ASCC3: variants seen among roughly 807,000 people sequenced by gnomAD.
The protein encoded by ASCC3 is activating signal cointegrator 1 complex subunit 3.
ASCC3 carries 158 observed loss-of-function variants against 256.3 expected under a neutral mutation model. The ratio of observed to expected loss-of-function variants is 0.62; its 90% CI spans 0.54 to 0.70. The LOEUF (loss-of-function observed/expected upper bound fraction) is 0.70. Ranked by LOEUF, ASCC3 falls within the 30% of genes least tolerant of loss-of-function variation. ASCC3 has a pLI of 0.00. For synonymous variants in ASCC3, 948 were observed against 883.4 expected, an observed-to-expected ratio of 1.07 and a Z score of -1.30; for missense variants, 2,259 against 2,626.0, an observed-to-expected ratio of 0.86 and a Z score of 3.05.
intron 10 of ASCC3, among the ~76,000 whole-genome samples, chr6:100,765,751 T>G (rs893868673): frequency 6.6e-6 from 1 of 152,230 alleles, no homozygotes; most frequent in South Asian, 2.1e-4. Context: ...TTGAGACCTG[T>G]CTCAGATACT....
intron 4 of ASCC3, among the ~76,000 whole-genome samples, chr6:100,824,517 CT>C (rs148363301): frequency 0.015 from 2,221 of 152,248 alleles, 31 homozygotes; most frequent in South Asian, 0.022. Context: ...GCTTCTCAGC[CT>C]TTTGGCTAAG....
chr6:100,841,161 G>GA (rs1335037439), intron 4 of ASCC3, among the ~76,000 whole-genome samples: 1 of 152,020 alleles, frequency 6.6e-6, no homozygotes, highest in African/African-American at 2.4e-5. Context: ...GCTTAAAACA[G>GA]AAAAGAGCGG....
intron 38 of ASCC3, among the ~76,000 whole-genome samples, chr6:100,516,746 A>T (rs1244997404): frequency 6.6e-6 from 1 of 152,168 alleles, no homozygotes; most frequent in Non-Finnish European, 1.5e-5. Flanking sequence ...TTAAAAGTTC[A>T]TTTTGAGAAT....
intron 10 of ASCC3, among the ~76,000 whole-genome samples, chr6:100,761,343 C>T (rs192163551): frequency 2.4e-4 from 36 of 152,122 alleles, no homozygotes; most frequent in Non-Finnish European, 2.8e-4. Flanking sequence ...TAACGATTAC[C>T]GGGATGTGGT....
chr6:100,814,003 T>A (rs1375245900), intron 4 of ASCC3, among the ~76,000 whole-genome samples: 1 of 152,180 alleles, frequency 6.6e-6, no homozygotes, highest in African/African-American at 2.4e-5. Context: ...AGAGAGGACA[T>A]CCTTGTCTTG....
intron 1 of ASCC3, among the ~76,000 whole-genome samples, chr6:100,879,730 T>C (rs1281253274): frequency 1.3e-5 from 2 of 152,154 alleles, no homozygotes; most frequent in African/African-American, 4.8e-5. Context: ...AAACAAGCTT[T>C]GAAAAAGAAA....
intron 13 of ASCC3, among the ~76,000 whole-genome samples, chr6:100,702,989 A>G (rs1197518657): frequency 6.6e-6 from 1 of 152,114 alleles, no homozygotes; most frequent in East Asian, 1.9e-4. Context: ...GGCATGACCA[A>G]TGATCATGTG....
chr6:100,647,918 T>A (rs183840227), intron 20 of ASCC3, among the ~76,000 whole-genome samples: 1 of 152,266 alleles, frequency 6.6e-6, no homozygotes, highest in Admixed American at 6.5e-5. Context: ...TACTGATTAG[T>A]GTAGCTACTC....
At chr6:100,673,720 T>G (rs1176615989) in intron 14 of ASCC3, among the ~76,000 whole-genome samples, 1 of 152,210 alleles carries the variant, frequency 6.6e-6, no homozygotes, top group Non-Finnish European at 1.5e-5. Context: ...ATCCTACTTT[T>G]CAGTACGTGA....
intron 10 of ASCC3, among the ~76,000 whole-genome samples, chr6:100,760,719 T>C (rs1257041448): frequency 2.0e-5 from 3 of 152,148 alleles, no homozygotes; most frequent in East Asian, 3.9e-4. Flanking sequence ...AACCACAGAA[T>C]GTAGACAGCA....
intron 34 of ASCC3, among the ~76,000 whole-genome samples, chr6:100,598,482 C>G (rs1368016516): frequency 1.8e-5 from 2 of 108,842 alleles, no homozygotes; most frequent in Non-Finnish European, 4.0e-5. Flanking sequence ...ATTAATAAAC[C>G]TCTTAAGATT....
At chr6:100,582,788 T>C (rs1426573090) in intron 36 of ASCC3, among the ~76,000 whole-genome samples, 1 of 152,194 alleles carries the variant, frequency 6.6e-6, no homozygotes, top group East Asian at 1.9e-4. Context: ...TGAGAGTTTT[T>C]AGCATGAAGG....
chr6:100,526,925 C>T (rs1039837767), intron 37 of ASCC3, among the ~76,000 whole-genome samples: 11 of 152,120 alleles, frequency 7.2e-5, no homozygotes, highest in African/African-American at 2.4e-4. Flanking sequence ...AAGTAAACTA[C>T]ATTTGTTTGT....
At chr6:100,780,655 A>C (rs1782398631) in intron 8 of ASCC3, among the ~76,000 whole-genome samples, 1 of 152,174 alleles carries the variant, frequency 6.6e-6, no homozygotes, top group Admixed American at 6.5e-5. Flanking sequence ...AAGAGAAAGG[A>C]CATTAGTCTT....
At chr6:100,534,761 A>G (rs1408584691) in intron 37 of ASCC3, among the ~76,000 whole-genome samples, 5 of 152,224 alleles carry the variant, frequency 3.3e-5, no homozygotes, top group Non-Finnish European at 2.9e-5. Flanking sequence ...TTGAAATGGG[A>G]TAGGAGAAGC....
chr6:100,574,058 C>T, intron 36 of ASCC3, among the ~76,000 whole-genome samples: 1 of 152,040 alleles, frequency 6.6e-6, no homozygotes, highest in East Asian at 1.9e-4. Context: ...TATTGAGCAG[C>T]AATGGCACAC....
rs565823202 is a variant in ASCC3, at chr6:100,828,802, C to G, written c.801+19346G>C. 5.9e-4 allele frequency among the ~76,000 whole-genome samples: 90 copies of G among 152,134 alleles called. 1 individual carries two copies. The highest frequency in any genetic ancestry group is 2.0e-3 in the African/African-American group (85 of 41,536). ...GAGTGAGCAGCAGCAGGATTTATTG[C>G]AAAGAGCGAAAGAACAAAGCTTCCA... On this transcript the variant is annotated intron_variant, in intron 4 of 41. Coordinates refer to ENST00000369162, the MANE Select transcript of ASCC3 (RefSeq NM_006828.4).
chr6:100,719,811 T>C (rs543167637), intron 11 of ASCC3, among the ~76,000 whole-genome samples: 1 of 152,118 alleles, frequency 6.6e-6, no homozygotes, highest in East Asian at 1.9e-4. Context: ...ATGTTTTCCT[T>C]CACATAAAAT....
At chr6:100,550,513 C>T (rs1408785478) in intron 36 of ASCC3, among the ~76,000 whole-genome samples, 1 of 151,922 alleles carries the variant, frequency 6.6e-6, no homozygotes, top group Admixed American at 6.6e-5. Context: ...CAAACTACTT[C>T]ATTTGGTGCT....
Sources: gnomAD v4.1 joint callset for allele counts (sites outside exome capture counted in the v4.1 genomes callset) on GRCh38, gnomAD v4.1.1 for gene constraint, MANE v1.5 for transcripts, NCBI Gene and HGNC (gene_info 2026-07-23, HGNC 2026-07-21) for gene names.